Variants in KDM4C observed in about 807,000 individuals in gnomAD.
The protein encoded by KDM4C is lysine-specific demethylase 4C.
In KDM4C, 81 loss-of-function variants were observed where a neutral mutation model predicts 129.3. The ratio of observed to expected loss-of-function variants is 0.63; its 90% CI spans 0.52 to 0.75. The LOEUF (loss-of-function observed/expected upper bound fraction) is 0.75. Ranked by LOEUF, KDM4C falls within the 30% of genes least tolerant of loss-of-function variation. The pLI, the probability that KDM4C is intolerant of heterozygous loss-of-function variation, is 0.00. For synonymous variants in KDM4C, 573 were observed against 456.1 expected, an observed-to-expected ratio of 1.26 and a Z score of -3.26; for missense variants, 1,457 against 1,304.0, an observed-to-expected ratio of 1.12 and a Z score of -1.81.
At chr9:7,035,214 A>G (rs1827422783) in intron 15 of KDM4C, among the ~76,000 whole-genome samples, 1 of 149,080 alleles carries the variant, frequency 6.7e-6, no homozygotes, top group Admixed American at 6.8e-5. Context: ...AGGTTTTGCC[A>G]TGTTGCCCAG....
chr9:6,867,301 G>A (rs1005575284), intron 5 of KDM4C, among the ~76,000 whole-genome samples: 14 of 152,084 alleles, frequency 9.2e-5, no homozygotes, highest in Admixed American at 3.9e-4. Flanking sequence ...GGCGTGAGCC[G>A]CTGCGCCCGG....
Position 6,838,425 on chromosome 9 carries a change from A to G in KDM4C, c.436-11082A>G, listed in dbSNP as rs541751107. On this transcript the variant is annotated intron_variant, in intron 4 of 21. Coordinates refer to ENST00000381309, the MANE Select transcript of KDM4C (RefSeq NM_015061.6). ...TGTATGATTCTTTTCTCCCAAGAGG[A>G]TTGGAGTTATTTCTGCCTGGAACCA... is the stretch of plus-strand genomic sequence containing the variant. Among the ~76,000 whole-genome samples the G allele has an allele frequency of 2.6e-5, 4 of 152,250 alleles. No individual in the cohort carries two copies. The East Asian group carries it at 7.7e-4, about 29-fold the overall frequency.
intron 1 of KDM4C, among the ~76,000 whole-genome samples, chr9:6,775,942 T>G (rs1394887835): frequency 1.3e-5 from 2 of 152,202 alleles, no homozygotes; most frequent in African/African-American, 4.8e-5. Context: ...CTTCCTCTTG[T>G]GACAAAAATG....
chr9:6,959,905 C>T (rs1371055935), intron 8 of KDM4C, among the ~76,000 whole-genome samples: 4 of 151,998 alleles, frequency 2.6e-5, no homozygotes, highest in Admixed American at 6.6e-5. Flanking sequence ...ATGGTTACTA[C>T]GAAAGTGACA....
chr9:7,074,744 A>G (rs1020039544), intron 17 of KDM4C, among the ~76,000 whole-genome samples: 2 of 152,176 alleles, frequency 1.3e-5, no homozygotes, highest in African/African-American at 4.8e-5. Context: ...TCATTGAATT[A>G]GTTGTTTTGC....
At chr9:7,085,476 G>A (rs1343943320) in intron 17 of KDM4C, among the ~76,000 whole-genome samples, 1 of 152,146 alleles carries the variant, frequency 6.6e-6, no homozygotes, top group East Asian at 1.9e-4. Flanking sequence ...TTTCAGGTCT[G>A]TTGGTTAACC....
At chr9:6,930,901 T>G (rs58307562) in intron 8 of KDM4C, among the ~76,000 whole-genome samples, 38,512 of 152,042 alleles carry the variant, frequency 0.25, 5,388 homozygotes, top group South Asian at 0.39. Context: ...TGCAGGGGCT[T>G]GGTCCCACTC....
chr9:7,101,104 G>A (rs1247602380), intron 17 of KDM4C, among the ~76,000 whole-genome samples: 2 of 152,068 alleles, frequency 1.3e-5, no homozygotes, highest in African/African-American at 4.8e-5. Flanking sequence ...GATCCAGTTC[G>A]TCTTTGCTTT....
rs115226543 is a variant in KDM4C, at chr9:6,969,420, T to A, written c.922-11505T>A. ...CACATTAAGAACATAGGGTTTTTTT[T>A]ATCTGCTGATAGGCTTGATATTCCA... On this transcript the variant is annotated intron_variant, in intron 8 of 21. Coordinates refer to ENST00000381309, the MANE Select transcript of KDM4C (RefSeq NM_015061.6). 4.3e-3 allele frequency among the ~76,000 whole-genome samples: 661 copies of A among 152,310 alleles called. 4 individuals carry two copies. Among genetic ancestry groups the A allele is most frequent in the African/African-American group, 0.013 (542 of 41,554 alleles).
intron 15 of KDM4C, among the ~76,000 whole-genome samples, chr9:7,032,226 A>G (rs1056992659): frequency 5.3e-5 from 8 of 152,228 alleles, no homozygotes; most frequent in Non-Finnish European, 1.0e-4. Flanking sequence ...ATCTCGTAAG[A>G]AGCAACCTAA....
At chr9:6,791,565 G>A in intron 1 of KDM4C, among the ~76,000 whole-genome samples, 1 of 152,204 alleles carries the variant, frequency 6.6e-6, no homozygotes, top group South Asian at 2.1e-4. Flanking sequence ...ACTGTAGGAA[G>A]GCATGATATG....
intron 2 of KDM4C, among the ~76,000 whole-genome samples, chr9:6,793,767 T>C (rs1417322902): frequency 6.6e-6 from 1 of 152,138 alleles, no homozygotes; most frequent in Non-Finnish European, 1.5e-5. Flanking sequence ...GGTCTTGAAC[T>C]CCTGACCTCA....
intron 19 of KDM4C, among the ~76,000 whole-genome samples, chr9:7,148,819 G>T (rs1842458453): frequency 6.6e-6 from 1 of 152,182 alleles, no homozygotes; most frequent in African/African-American, 2.4e-5. Context: ...CTGAGTCTGG[G>T]GTTTTTATGG....
At chr9:6,828,716 A>G (rs1834305541) in intron 4 of KDM4C, among the ~76,000 whole-genome samples, 1 of 152,004 alleles carries the variant, frequency 6.6e-6, no homozygotes, top group African/African-American at 2.4e-5. Flanking sequence ...ACTAAAAAAT[A>G]TAAAATTAGC....
intron 17 of KDM4C, among the ~76,000 whole-genome samples, chr9:7,103,183 C>T (rs538029730): frequency 1.6e-4 from 25 of 152,318 alleles, no homozygotes; most frequent in African/African-American, 5.5e-4. Flanking sequence ...TAACACTTTA[C>T]ATTTCCTTGT....
At chr9:7,019,747 AT>A (rs1164413930) in intron 15 of KDM4C, among the ~76,000 whole-genome samples, 4 of 139,650 alleles carry the variant, frequency 2.9e-5, no homozygotes, top group Non-Finnish European at 6.2e-5. Flanking sequence ...AAAATATAAT[AT>A]TTTTATATAT....
intron 1 of KDM4C, chr9:6,748,975 A>G (rs756489301): frequency 7.2e-6 from 6 of 833,218 alleles, no homozygotes; most frequent in South Asian, 1.3e-5. Context: ...TGGCCACTGT[A>G]TGCCATGGTG....
intron 17 of KDM4C, among the ~76,000 whole-genome samples, chr9:7,096,629 C>G (rs1283414810): frequency 3.3e-5 from 5 of 152,180 alleles, no homozygotes; most frequent in Non-Finnish European, 7.3e-5. Flanking sequence ...GGTCAAGGTA[C>G]TCCCCAGACA....
intron 4 of KDM4C, among the ~76,000 whole-genome samples, chr9:6,827,565 T>C (rs546949256): frequency 5.3e-5 from 8 of 152,348 alleles, no homozygotes; most frequent in Admixed American, 3.9e-4. Context: ...GGACAGCAAA[T>C]TTATTTGAGG....
Sources: allele counts gnomAD v4.1 joint callset (sites outside exome capture counted in the v4.1 genomes callset), GRCh38; gene constraint gnomAD v4.1.1; transcripts MANE v1.5; gene names NCBI Gene and HGNC (gene_info 2026-07-23, HGNC 2026-07-21).